Variants in SKAP1 observed in about 807,000 individuals in gnomAD.
SKAP1 encodes the protein src kinase associated phosphoprotein 1.
In SKAP1, 44 loss-of-function variants were observed where a neutral mutation model predicts 58.5. That is an observed-to-expected ratio of 0.75 (90% CI 0.59 to 0.97). The LOEUF (loss-of-function observed/expected upper bound fraction) is 0.97, where lower values mean the gene tolerates loss of function less well. Ranked by LOEUF, SKAP1 falls within the 50% of genes least tolerant of loss-of-function variation. The pLI, the probability that SKAP1 is intolerant of heterozygous loss-of-function variation, is 0.00. For synonymous variants in SKAP1, 127 were observed against 149.7 expected (o/e 0.85, Z 1.11); for missense variants, 390 against 435.2 (o/e 0.90, Z 0.92).
At chr17:48,262,764 T>A (rs1331581792) in intron 4 of SKAP1, among the ~76,000 whole-genome samples, 1 of 152,196 alleles carries the variant, frequency 6.6e-6, no homozygotes, top group Non-Finnish European at 1.5e-5. Flanking sequence ...AACACTTAAT[T>A]ATTCAGCTTG....
chr17:48,175,181 C>T (rs2064273041), intron 9 of SKAP1, among the ~76,000 whole-genome samples: 1 of 152,086 alleles, frequency 6.6e-6, no homozygotes, highest in South Asian at 2.1e-4. Flanking sequence ...CTGACATTGG[C>T]TACACTGATA....
chr17:48,297,098 T>A (rs1268212779), intron 4 of SKAP1, among the ~76,000 whole-genome samples: 1 of 152,200 alleles, frequency 6.6e-6, no homozygotes, highest in East Asian at 1.9e-4. Context: ...TGTTGTTGAC[T>A]GACTAAAAAC....
intron 10 of SKAP1, among the ~76,000 whole-genome samples, chr17:48,168,619 T>G (rs2064170757): frequency 6.6e-6 from 1 of 152,176 alleles, no homozygotes; most frequent in Non-Finnish European, 1.5e-5. Flanking sequence ...ATAGCGCCAT[T>G]GCACTCCAGC....
At chr17:48,218,999 G>T (rs2064972145) in intron 4 of SKAP1, among the ~76,000 whole-genome samples, 1 of 152,024 alleles carries the variant, frequency 6.6e-6, no homozygotes. Context: ...TTAAGAAAGA[G>T]AAATAGAAAA....
At chr17:48,321,528 C>T (rs185842171) in intron 4 of SKAP1, among the ~76,000 whole-genome samples, 2 of 152,106 alleles carry the variant, frequency 1.3e-5, no homozygotes, top group Non-Finnish European at 2.9e-5. Flanking sequence ...CAGGCGCCTG[C>T]CGCCACGCCC....
At chr17:48,259,267 G>A (rs1310990495) in intron 4 of SKAP1, among the ~76,000 whole-genome samples, 4 of 151,920 alleles carry the variant, frequency 2.6e-5, no homozygotes, top group Admixed American at 6.6e-5. Flanking sequence ...TCACTGTTAC[G>A]ATAAGAAGAA....
intron 2 of SKAP1, among the ~76,000 whole-genome samples, chr17:48,374,428 CTT>C (rs1374936120): frequency 6.6e-6 from 1 of 152,166 alleles, no homozygotes; most frequent in Non-Finnish European, 1.5e-5. Context: ...CTATCTCTCT[CTT>C]GACCATCTCT....
At chr17:48,219,279 T>C (rs772039982) in intron 4 of SKAP1, among the ~76,000 whole-genome samples, 10 of 152,224 alleles carry the variant, frequency 6.6e-5, no homozygotes, top group Non-Finnish European at 1.5e-4. Flanking sequence ...AAAAGTCAGT[T>C]GTACTATTCA....
At chr17:48,359,415 A>G (rs1366811922) in intron 3 of SKAP1, among the ~76,000 whole-genome samples, 1 of 152,208 alleles carries the variant, frequency 6.6e-6, no homozygotes, top group Non-Finnish European at 1.5e-5. Context: ...AACATAAAAT[A>G]ACCAGTGTTC....
chr17:48,278,452 T>C (rs554678299), intron 4 of SKAP1, among the ~76,000 whole-genome samples: 1 of 152,340 alleles, frequency 6.6e-6, no homozygotes, highest in East Asian at 1.9e-4. Flanking sequence ...AATATAATTC[T>C]AGTACAACAA....
chr17:48,408,955 T>A (rs1443620291), intron 1 of SKAP1, among the ~76,000 whole-genome samples: 1 of 152,184 alleles, frequency 6.6e-6, no homozygotes. Context: ...ATAGGTCACC[T>A]CTCTATTTAA....
chr17:48,233,637 G>A (rs1377991281), intron 4 of SKAP1, among the ~76,000 whole-genome samples: 5 of 151,984 alleles, frequency 3.3e-5, no homozygotes, highest in Non-Finnish European at 7.4e-5. Context: ...GGTGGATCAC[G>A]AGGTCAGGAG....
chr17:48,173,297 G>C (rs1161556621), intron 9 of SKAP1, among the ~76,000 whole-genome samples: 1 of 152,100 alleles, frequency 6.6e-6, no homozygotes, highest in Non-Finnish European at 1.5e-5. Context: ...AGCCATGTAT[G>C]ATCTAGCAGC....
chr17:48,215,460 A>G (rs1261103099), intron 4 of SKAP1, among the ~76,000 whole-genome samples: 1 of 152,254 alleles, frequency 6.6e-6, no homozygotes, highest in South Asian at 2.1e-4. Flanking sequence ...GCAAGCCACA[A>G]CATATATCTG....
At chr17:48,431,025 T>C (rs2067911216), upstream of SKAP1, among the ~76,000 whole-genome samples, 1 of 152,238 alleles carries the variant, frequency 6.6e-6, no homozygotes, top group African/African-American at 2.4e-5. Context: ...TCCTCTATTA[T>C]TTCTGAAACT....
At chr17:48,296,575 T>C (rs1386357977) in intron 4 of SKAP1, among the ~76,000 whole-genome samples, 3 of 152,170 alleles carry the variant, frequency 2.0e-5, no homozygotes, top group Non-Finnish European at 4.4e-5. Flanking sequence ...GCAAATATTC[T>C]GGTCTAACTA....
chr17:48,442,919 A>G, the SKAP1 span, among the ~76,000 whole-genome samples: 1 of 152,294 alleles, frequency 6.6e-6, no homozygotes, highest in African/African-American at 2.4e-5. Flanking sequence ...ATGGCTAACA[A>G]GCGTCTACCA....
At chr17:48,292,062 A>T (rs1484368369) in intron 4 of SKAP1, among the ~76,000 whole-genome samples, 1 of 150,788 alleles carries the variant, frequency 6.6e-6, no homozygotes, top group African/African-American at 2.4e-5. Context: ...AAATTATTTA[A>T]CCTTGGTATA....
chr17:48,178,767 A>AT (rs936283362), intron 9 of SKAP1, among the ~76,000 whole-genome samples: 4 of 151,910 alleles, frequency 2.6e-5, no homozygotes, highest in African/African-American at 7.3e-5. Context: ...GGAAATTATC[A>AT]TTTTTTTTAA....
Sources: gnomAD v4.1 joint callset for allele counts (sites outside exome capture counted in the v4.1 genomes callset) on GRCh38, gnomAD v4.1.1 for gene constraint, MANE v1.5 for transcripts, NCBI Gene and HGNC (gene_info 2026-07-23, HGNC 2026-07-21) for gene names.